MBD5: variants seen among roughly 807,000 people sequenced by gnomAD.
MBD5 encodes methyl-CpG-binding domain protein 5.
In MBD5, 13 loss-of-function variants were observed where a neutral mutation model predicts 117.3. That is an observed-to-expected ratio of 0.11 (90% confidence interval 0.07 to 0.18). MBD5 has a LOEUF of 0.18. Ranked by LOEUF, MBD5 falls within the 10% of genes least tolerant of loss-of-function variation. MBD5 has a pLI of 1.00. For synonymous variants in MBD5, 727 were observed against 766.4 expected (o/e 0.95, Z 0.85); for missense variants, 1,879 against 2,093.8 (o/e 0.90, Z 2.00).
At chr2:148,253,754 G>A (rs144727467) in intron 3 of MBD5, among the ~76,000 whole-genome samples, 8 of 152,232 alleles carry the variant, frequency 5.3e-5, no homozygotes, top group African/African-American at 1.9e-4. Flanking sequence ...TCTCTCTCTG[G>A]GCATGAGCAA....
At chr2:148,497,262 A>G (rs577448447) in intron 11 of MBD5, among the ~76,000 whole-genome samples, 40 of 152,206 alleles carry the variant, frequency 2.6e-4, no homozygotes, top group African/African-American at 8.7e-4. Flanking sequence ...GCACAAATGT[A>G]CTAGGCACTA....
intron 3 of MBD5, among the ~76,000 whole-genome samples, chr2:148,305,811 A>C (rs1166030144): frequency 2.6e-5 from 4 of 152,178 alleles, no homozygotes; most frequent in African/African-American, 9.7e-5. Context: ...TATCAAAGGA[A>C]ACTAGAGGAA....
At chr2:148,162,338 C>T (rs1471793440) in intron 1 of MBD5, among the ~76,000 whole-genome samples, 2 of 152,168 alleles carry the variant, frequency 1.3e-5, no homozygotes, top group African/African-American at 4.8e-5. Flanking sequence ...AACTTATCTT[C>T]ACTCATTCAT....
intron 1 of MBD5, among the ~76,000 whole-genome samples, chr2:148,061,810 G>T (rs1251327673): frequency 1.3e-5 from 2 of 151,828 alleles, no homozygotes; most frequent in African/African-American, 4.8e-5. Context: ...ATCCTAGCTG[G>T]CAGTATATCA....
At chr2:148,079,652 T>G (rs1695594183) in intron 1 of MBD5, among the ~76,000 whole-genome samples, 1 of 151,528 alleles carries the variant, frequency 6.6e-6, no homozygotes. Flanking sequence ...AGGTCAGGAG[T>G]TTGAGACCAG....
At chr2:148,031,418 G>A (rs751293234) in intron 1 of MBD5, among the ~76,000 whole-genome samples, 1 of 152,102 alleles carries the variant, frequency 6.6e-6, no homozygotes, top group Non-Finnish European at 1.5e-5. Context: ...CAGGGTTTAG[G>A]TGGAGTTTAG....
intron 3 of MBD5, among the ~76,000 whole-genome samples, chr2:148,331,042 C>T (rs558440593): frequency 6.6e-6 from 1 of 152,124 alleles, no homozygotes; most frequent in Admixed American, 6.5e-5. Flanking sequence ...CTGTTTTTGT[C>T]ATGGTTACCA....
rs568056709 is a variant in MBD5 at position 148,214,245 on chromosome 2, C to T, written c.-830-19000C>T. 3.3e-5 allele frequency among the ~76,000 whole-genome samples: 5 copies of T among 152,262 alleles called. No individual in the cohort carries two copies. In the South Asian group the frequency reaches 1.0e-3, roughly 32 times the overall value. ...TGAGACCCAGGTCTTTGTGGAGCTACTCAACTTTGCTTTTGTAGTGTGAAA... is the reference window on the plus strand; with the variant it reads ...TGAGACCCAGGTCTTTGTGGAGCTATTCAACTTTGCTTTTGTAGTGTGAAA... On this transcript the variant is annotated intron_variant, in intron 2 of 13. Transcript: ENST00000642680.
In MBD5 at chr2:148,348,789, C is replaced by T. The variant is rs988904904; in HGVS notation, c.-557+6453C>T. On this transcript the variant is annotated intron_variant, in intron 4 of 13. Coordinates refer to ENST00000642680, the MANE Select transcript of MBD5 (RefSeq NM_001378120.1). ...TTCTTGCATTCGAACTTGGATTTTA[C>T]GTTTTGGGGAGACTTTAGAAGTCAC... Among the ~76,000 whole-genome samples the T allele has an allele frequency of 5.3e-5, 8 of 151,926 alleles. No homozygotes were observed. In the East Asian group the frequency reaches 5.8e-4, roughly 11 times the overall value.
intron 1 of MBD5, among the ~76,000 whole-genome samples, chr2:148,117,449 A>G (rs1345127794): frequency 6.6e-6 from 1 of 152,206 alleles, no homozygotes; most frequent in African/African-American, 2.4e-5. Flanking sequence ...AATGAATTAC[A>G]TCACCTTAAA....
At chr2:148,349,307 G>T (rs1432934462) in intron 4 of MBD5, among the ~76,000 whole-genome samples, 1 of 151,916 alleles carries the variant, frequency 6.6e-6, no homozygotes. Context: ...TAATGATGGA[G>T]TTATGAATTA....
At chr2:148,505,298 A>G (rs1681998133) in intron 12 of MBD5, among the ~76,000 whole-genome samples, 1 of 152,222 alleles carries the variant, frequency 6.6e-6, no homozygotes, top group South Asian at 2.1e-4. Flanking sequence ...TAGGCTGGAC[A>G]TACGTGTCTG....
intron 1 of MBD5, among the ~76,000 whole-genome samples, chr2:148,043,011 G>A (rs1365878945): frequency 6.6e-6 from 1 of 152,084 alleles, no homozygotes; most frequent in Non-Finnish European, 1.5e-5. Flanking sequence ...GCTTGTTTAT[G>A]TATTTCAGGG....
intron 2 of MBD5, among the ~76,000 whole-genome samples, chr2:148,184,930 C>G (rs1000781998): frequency 6.6e-6 from 1 of 152,188 alleles, no homozygotes; most frequent in Non-Finnish European, 1.5e-5. Context: ...CCAGGGAGAA[C>G]AGCAGCCAAA....
chr2:148,376,106 T>G (rs931794361), intron 4 of MBD5, among the ~76,000 whole-genome samples: 1 of 151,398 alleles, frequency 6.6e-6, no homozygotes, highest in Non-Finnish European at 1.5e-5. Context: ...TTGTCTTCCC[T>G]TGAGGGGTCC....
intron 4 of MBD5, among the ~76,000 whole-genome samples, chr2:148,363,985 A>T (rs1703620933): frequency 6.6e-6 from 1 of 152,298 alleles, no homozygotes; most frequent in South Asian, 2.1e-4. Context: ...AAATTCAGGA[A>T]ATACAGAGAA....
At chr2:148,367,505 C>A (rs189408694) in intron 4 of MBD5, among the ~76,000 whole-genome samples, 173 of 152,254 alleles carry the variant, frequency 1.1e-3, no homozygotes, top group Non-Finnish European at 2.0e-3. Context: ...AGAGCTTCTG[C>A]ACAGCAAAAG....
chr2:148,446,491 T>G (rs952579946), intron 4 of MBD5, among the ~76,000 whole-genome samples: 4 of 152,066 alleles, frequency 2.6e-5, no homozygotes, highest in Admixed American at 2.6e-4. Flanking sequence ...TGGTCCAGGA[T>G]AGCTCTTCCA....
intron 8 of MBD5, among the ~76,000 whole-genome samples, chr2:148,472,690 G>A (rs1194320261): frequency 6.6e-6 from 1 of 152,116 alleles, no homozygotes; most frequent in Non-Finnish European, 1.5e-5. Flanking sequence ...TTCAGAATGA[G>A]ACAGTAAATG....
Sources: gnomAD v4.1 joint callset for allele counts (sites outside exome capture counted in the v4.1 genomes callset) on GRCh38, gnomAD v4.1.1 for gene constraint, MANE v1.5 for transcripts, NCBI Gene and HGNC (gene_info 2026-07-23, HGNC 2026-07-21) for gene names.